The following WDR12 variants were observed in gnomAD, a reference collection of about 807,000 sequenced individuals.
The protein encoded by WDR12 is WD repeat domain 12, also known as ribosome biogenesis protein WDR12.
A neutral mutation model predicts 64.3 loss-of-function variants in WDR12; 42 were observed. The ratio of observed to expected loss-of-function variants is 0.65; its 90% CI spans 0.51 to 0.84. The LOEUF (loss-of-function observed/expected upper bound fraction) is 0.84. WDR12 is among the 40% of genes least tolerant of loss of function. The pLI is 0.00. For synonymous variants in WDR12, 158 were observed against 173.3 expected (o/e 0.91, Z 0.70); for missense variants, 469 against 494.6 (o/e 0.95, Z 0.49).
At chr2:202,886,810 G>A (rs895634096) in intron 8 of WDR12, among the ~76,000 whole-genome samples, 1 of 151,094 alleles carries the variant, frequency 6.6e-6, no homozygotes, top group Middle Eastern at 3.5e-3. Flanking sequence ...TCTGGAATAG[G>A]GGATAGTCAA....
chr2:202,882,841 G>T, intron 11 of WDR12, 58 bp from the exon 12 acceptor site: 2 of 1,537,430 alleles, frequency 1.3e-6, no homozygotes, highest in South Asian at 2.2e-5. Context: ...ACAAACATTT[G>T]AATAATCACT....
At position 202,896,814 on chromosome 2, in the gene WDR12, C is replaced by T. The variant is rs926085813; in HGVS notation, c.454+486G>A. On this transcript the variant is annotated intron_variant, in intron 5 of 12. Coordinates refer to ENST00000261015, the MANE Select transcript of WDR12 (RefSeq NM_018256.4). Reference sequence around the variant, plus strand: ...TCAGCCTGGCCAAGATGGTGAAACCCCGTCTCTACTAAAAATACAAAAATT... The same window carrying T: ...TCAGCCTGGCCAAGATGGTGAAACCTCGTCTCTACTAAAAATACAAAAATT... 1.6e-4 allele frequency among the ~76,000 whole-genome samples: 24 copies of T among 152,188 alleles called. No individual in the cohort carries two copies. In the East Asian group the frequency reaches 3.7e-3, roughly 23 times the overall value.
intron 8 of WDR12, 115 bp downstream of exon 8, chr2:202,892,501 GT>G: frequency 1.7e-6 from 1 of 577,636 alleles, no homozygotes; most frequent in Non-Finnish European, 2.9e-6. Context: ...GATAATCATG[GT>G]TAAAGCAGCA....
intron 8 of WDR12, among the ~76,000 whole-genome samples, chr2:202,892,360 C>T (rs566199576): frequency 2.0e-4 from 31 of 152,288 alleles, no homozygotes; most frequent in African/African-American, 6.7e-4. Context: ...AACATGAGAT[C>T]AAACATAATA....
rs552856527 is a variant in WDR12 at position 202,890,044 on chromosome 2, T to G, written c.741+2573A>C. On this transcript the variant is annotated intron_variant, in intron 8 of 12. Coordinates refer to ENST00000261015, the MANE Select transcript of WDR12 (RefSeq NM_018256.4). ...GAGTTCAAGACCAACCTGGGTGACA[T>G]GACAAAACCCAATATCTACAAAAAA... Among the ~76,000 whole-genome samples, 7 of 151,756 alleles carry G rather than the reference T, an allele frequency of 4.6e-5. No individual in the cohort carries two copies. The East Asian group carries it at 1.4e-3, about 29-fold the overall frequency.
At position 202,884,057 on chromosome 2, in the gene WDR12, C is replaced by T. The variant is rs560626599; in HGVS notation, c.988+141G>A. 48 of 795,438 alleles carry T rather than the reference C, an allele frequency of 6.0e-5. 1 individual carries two copies. The East Asian group carries it at 6.8e-4, about 11-fold the overall frequency. The allele number at this position is 795,438 out of a possible 1,614,324, so 49.3% of individuals were successfully genotyped here. ...CCAACTCCTGACCTCATGATCTGCC[C>T]GCCTCGGCCTCTCAAAGTGCTGGGA... On this transcript the variant is annotated intron_variant, in intron 10 of 12. Coordinates refer to ENST00000261015, the MANE Select transcript of WDR12 (RefSeq NM_018256.4).
intron 2 of WDR12, among the ~76,000 whole-genome samples, chr2:202,904,295 A>T (rs1218763398): frequency 6.6e-6 from 1 of 152,144 alleles, no homozygotes; most frequent in South Asian, 2.1e-4. Context: ...GATTCAATGC[A>T]ATCCTTATCA....
intron 4 of WDR12, among the ~76,000 whole-genome samples, chr2:202,897,926 A>ATATATGT (rs1559162254): frequency 1.8e-5 from 1 of 54,178 alleles, no homozygotes; most frequent in Non-Finnish European, 3.8e-5. Context: ...TATATATATA[A>ATATATGT]AAAATATATA....
At chr2:202,902,691 C>T (rs965089710) in intron 2 of WDR12, among the ~76,000 whole-genome samples, 1 of 152,306 alleles carries the variant, frequency 6.6e-6, no homozygotes, top group Middle Eastern at 3.4e-3. Flanking sequence ...GCTGTACTGC[C>T]GGCTTCCCTA....
At chr2:202,905,742 A>G (rs1688445820) in intron 2 of WDR12, among the ~76,000 whole-genome samples, 1 of 152,220 alleles carries the variant, frequency 6.6e-6, no homozygotes, top group South Asian at 2.1e-4. Flanking sequence ...ATTGGAGGTC[A>G]TTATGTTCAG....
rs1467144017 is a variant in WDR12, at chr2:202,888,586, ACAGGTAAATGAAC to A, written c.741+4018_741+4030del. Among the ~76,000 whole-genome samples the A allele has an allele frequency of 3.9e-5, 6 of 152,352 alleles. No homozygotes were observed. The East Asian group carries it at 1.2e-3, about 29-fold the overall frequency. Reference sequence around the variant, plus strand: ...TGTATGTTAATATATCAAGCAAATGACAGGTAAATGAACTGGCAGCATTATTCACATTAACACA... The same window carrying A: ...TGTATGTTAATATATCAAGCAAATGATGGCAGCATTATTCACATTAACACA... On this transcript the variant is annotated intron_variant, in intron 8 of 12. Coordinates refer to ENST00000261015, the MANE Select transcript of WDR12 (RefSeq NM_018256.4).
chr2:202,888,393 T>C (rs1688089614), intron 8 of WDR12, among the ~76,000 whole-genome samples: 1 of 152,210 alleles, frequency 6.6e-6, no homozygotes, highest in Admixed American at 6.5e-5. Context: ...CATGATTCTA[T>C]ATATTCATCA....
At chr2:202,882,808 T>C (rs1275204890) in intron 11 of WDR12, 25 bp from the exon 12 acceptor site, 10 of 1,600,588 alleles carry the variant, frequency 6.2e-6, no homozygotes, top group East Asian at 2.2e-5. Context: ...TATTAACATA[T>C]TATATGCATT....
intron 3 of WDR12, among the ~76,000 whole-genome samples, chr2:202,900,804 G>T (rs911948965): frequency 3.3e-5 from 5 of 151,870 alleles, no homozygotes; most frequent in Non-Finnish European, 7.4e-5. Context: ...CTTCAAAATT[G>T]AATATACAGG....
chr2:202,880,890 A>G lies in WDR12; in HGVS notation c.1242T>C (p.Tyr414=), dbSNP rs1687936446. ...GADNKLYSYR[Y]SPTTSHVGA ...CCCCAACATGGGAAGTGGTAGGTGA[A>G]TATCTGTAGGAATACAATTTATTGT... is the stretch of plus-strand genomic sequence containing the variant. The change falls in exon 13 of 13, where the codon TAT becomes TAC. Residue 414 remains tyrosine, a synonymous_variant. Coordinates refer to ENST00000261015, the MANE Select transcript of WDR12 (RefSeq NM_018256.4). 6.2e-7 allele frequency: 1 copy of G among 1,610,542 alleles called. No individual in the cohort carries two copies. The highest frequency in any genetic ancestry group is 1.1e-5 in the South Asian group (1 of 90,388).
chr2:202,892,553 A>G (rs1464678517), intron 8 of WDR12, 64 bp downstream of exon 8: 11 of 1,119,838 alleles, frequency 9.8e-6, no homozygotes, highest in Non-Finnish European at 1.4e-5. Flanking sequence ...AGACCATATT[A>G]AATTACCATC....
At chr2:202,899,400 T>C in intron 4 of WDR12, 131 bp downstream of exon 4, 1 of 786,130 alleles carries the variant, frequency 1.3e-6, no homozygotes, top group South Asian at 2.1e-5. Context: ...CCATGGCCAC[T>C]GATACAGAGA....
At chr2:202,887,894 CAA>C (rs778475206) in intron 8 of WDR12, among the ~76,000 whole-genome samples, 7 of 60,746 alleles carry the variant, frequency 1.2e-4, no homozygotes, top group East Asian at 5.2e-4. Flanking sequence ...GACTCCGTCT[CAA>C]AAAAAAAAAA....
At position 202,874,591 on chromosome 2, in the gene WDR12, T is replaced by G. The variant is rs1687824805; in HGVS notation, c.*6269A>C. Among the ~76,000 whole-genome samples the G allele has an allele frequency of 6.6e-6, 1 of 152,222 alleles. No homozygotes were observed. On this transcript the variant is annotated 3_prime_UTR_variant, in exon 13 of 13. Transcript: ENST00000261015. ...CTGTTTTGTACTGTTTTACTAAGGA[T>G]TAGAGGTCTATTGAATCTGACATCA...
Sources: gnomAD v4.1 joint callset for allele counts (sites outside exome capture counted in the v4.1 genomes callset) on GRCh38, gnomAD v4.1.1 for gene constraint, MANE v1.5 for transcripts, NCBI Gene and HGNC (gene_info 2026-07-23, HGNC 2026-07-21) for gene names.